Variants in EXOC4 observed in about 807,000 individuals in gnomAD.
The protein encoded by EXOC4 is exocyst complex component 4.
A neutral mutation model predicts 107.2 loss-of-function variants in EXOC4; 71 were observed. The observed-to-expected ratio is 0.66, with a 90% CI of 0.55 to 0.81. The LOEUF (loss-of-function observed/expected upper bound fraction) is 0.81, where lower values mean the gene tolerates loss of function less well. EXOC4 is among the 30% of genes least tolerant of loss of function. EXOC4 has a pLI of 0.00. For synonymous variants in EXOC4, 456 were observed against 441.2 expected (o/e 1.03, Z -0.42); for missense variants, 1,108 against 1,189.6 (o/e 0.93, Z 1.01).
chr7:133,335,711 G>A (rs147691263), intron 5 of EXOC4, among the ~76,000 whole-genome samples: 197 of 152,240 alleles, frequency 1.3e-3, no homozygotes, highest in African/African-American at 4.6e-3. Context: ...AATTGAAATT[G>A]CCAGATCATA....
At chr7:133,916,549 G>C (rs1405227745) in intron 12 of EXOC4, among the ~76,000 whole-genome samples, 5 of 152,216 alleles carry the variant, frequency 3.3e-5, no homozygotes. Context: ...AGTCATAGAT[G>C]TGAACCACTG....
At chr7:133,985,116 G>A (rs1794083966) in intron 14 of EXOC4, among the ~76,000 whole-genome samples, 1 of 152,092 alleles carries the variant, frequency 6.6e-6, no homozygotes. Context: ...TGTAGTTAGG[G>A]TAATATAAGA....
chr7:133,683,812 A>T, intron 10 of EXOC4, among the ~76,000 whole-genome samples: 1 of 152,194 alleles, frequency 6.6e-6, no homozygotes, highest in Admixed American at 6.5e-5. Flanking sequence ...GAAAAACAAG[A>T]TAATATTTAT....
chr7:133,961,476 C>T (rs186160101), intron 14 of EXOC4, among the ~76,000 whole-genome samples: 73 of 151,610 alleles, frequency 4.8e-4, no homozygotes, highest in Middle Eastern at 3.4e-3. Context: ...TTAGTAAAGA[C>T]GCGGTTTTGC....
the EXOC4 span, among the ~76,000 whole-genome samples, chr7:134,097,776 C>A: frequency 6.6e-6 from 1 of 152,174 alleles, no homozygotes; most frequent in Non-Finnish European, 1.5e-5. Flanking sequence ...TAGGGATAGA[C>A]ACTAAGGTGT....
Position 133,896,846 on chromosome 7 carries a change from G to GTTTTTTTTTTTTTTTT in EXOC4, c.1871+1112_1871+1113insTTTTTTTTTTTTTTTT, listed in dbSNP as rs1585231519. Among the ~76,000 whole-genome samples the GTTTTTTTTTTTTTTTT allele has an allele frequency of 1.2e-4, 5 of 43,218 alleles. No homozygotes were observed. In the African/African-American group the frequency reaches 1.4e-3, roughly 12 times the overall value. The allele number at this position is 43,218 out of a possible 152,430, so 28.4% of individuals were successfully genotyped here. On this transcript the variant is annotated intron_variant, in intron 12 of 17. Transcript: ENST00000253861. Reference sequence around the variant, plus strand: ...ATGTCTGGCTATTTTTGTATTTTTAGTAGAGATGGGGTTTCACCATGTTGG... The same window carrying GTTTTTTTTTTTTTTTT: ...ATGTCTGGCTATTTTTGTATTTTTAGTTTTTTTTTTTTTTTTTAGAGATGGGGTTTCACCATGTTGG...
At chr7:133,347,885 T>G (rs1330896478) in intron 5 of EXOC4, among the ~76,000 whole-genome samples, 3 of 152,168 alleles carry the variant, frequency 2.0e-5, no homozygotes, top group African/African-American at 7.2e-5. Context: ...TGAGAAATCT[T>G]TACTCATTAA....
intron 12 of EXOC4, among the ~76,000 whole-genome samples, chr7:133,914,703 C>A (rs1379697457): frequency 1.3e-5 from 2 of 152,138 alleles, no homozygotes; most frequent in Non-Finnish European, 2.9e-5. Context: ...CCAGAAGAGG[C>A]AAATGCAGAC....
chr7:133,700,158 A>G (rs1794625947), intron 10 of EXOC4, among the ~76,000 whole-genome samples: 1 of 152,184 alleles, frequency 6.6e-6, no homozygotes, highest in Admixed American at 6.5e-5. Flanking sequence ...ATTAAGTAAA[A>G]GTTAATAGTA....
chr7:133,503,738 G>A (rs1799617687), intron 9 of EXOC4, among the ~76,000 whole-genome samples: 1 of 152,114 alleles, frequency 6.6e-6, no homozygotes, highest in Admixed American at 6.6e-5. Context: ...GTTGGGAAAT[G>A]TTCCTGCATT....
intron 10 of EXOC4, among the ~76,000 whole-genome samples, chr7:133,815,137 G>T (rs1374367869): frequency 6.6e-6 from 1 of 151,968 alleles, no homozygotes; most frequent in Non-Finnish European, 1.5e-5. Flanking sequence ...AAAAACTTTT[G>T]GGAGGCCGAA....
At position 133,259,433 on chromosome 7, in the gene EXOC4, G is replaced by T. The variant is rs571314596; in HGVS notation, c.86+6246G>T. On this transcript the variant is annotated intron_variant, in intron 1 of 17. Transcript: ENST00000253861. ...GTAGAGACAGGGTTTCACCATGTTG[G>T]CCAGGCTGGTCTCAAACTCCTGACC... 3.5e-3 allele frequency among the ~76,000 whole-genome samples: 527 copies of T among 151,990 alleles called. 4 individuals carry two copies. The highest frequency in any genetic ancestry group is 0.012 in the African/African-American group (505 of 41,472).
Position 133,432,992 on chromosome 7 carries a change from T to G in EXOC4, c.1183-42336T>G, listed in dbSNP as rs547981537. Among the ~76,000 whole-genome samples, 419 of 152,356 alleles carry G rather than the reference T, an allele frequency of 2.8e-3. 1 individual carries two copies. The highest frequency in any genetic ancestry group is 3.5e-3 in the Non-Finnish European group (240 of 68,022). On this transcript the variant is annotated intron_variant, in intron 7 of 17. Coordinates refer to ENST00000253861, the MANE Select transcript of EXOC4 (RefSeq NM_021807.4). ...TCTGAGACATCAATGAAACTCCTAA[T>G]CATGTCCGTTTATACGATATAATAC...
At chr7:133,696,729 ACTTTCCT>A (rs1394651233) in intron 10 of EXOC4, among the ~76,000 whole-genome samples, 4 of 152,152 alleles carry the variant, frequency 2.6e-5, no homozygotes, top group African/African-American at 4.8e-5. Flanking sequence ...CATTAATCCC[ACTTTCCT>A]CTTTACTATG....
chr7:133,292,954 T>C (rs1395997574), intron 3 of EXOC4, among the ~76,000 whole-genome samples: 1 of 152,222 alleles, frequency 6.6e-6, no homozygotes, highest in Non-Finnish European at 1.5e-5. Context: ...TATTTATTTC[T>C]TAATGGCAAG....
intron 14 of EXOC4, among the ~76,000 whole-genome samples, chr7:133,952,746 T>C (rs1800722157): frequency 6.6e-6 from 1 of 152,202 alleles, no homozygotes; most frequent in African/African-American, 2.4e-5. Context: ...TCATGTAGTA[T>C]TTGTTGTTTT....
At chr7:133,515,120 A>G (rs139926274) in intron 9 of EXOC4, among the ~76,000 whole-genome samples, 6 of 152,164 alleles carry the variant, frequency 3.9e-5, no homozygotes, top group African/African-American at 1.4e-4. Context: ...CAGCTTTTTT[A>G]TATGTGGAAT....
rs58197853 is a variant in EXOC4 at position 133,720,942 on chromosome 7, A to G, written c.1514+90801A>G. Among the ~76,000 whole-genome samples, 235 of 152,260 alleles carry G rather than the reference A, an allele frequency of 1.5e-3. 1 individual carries two copies. Among genetic ancestry groups the G allele is most frequent in the African/African-American group, 5.4e-3 (223 of 41,554 alleles). On this transcript the variant is annotated intron_variant, in intron 10 of 17. Transcript: ENST00000253861. Reference sequence around the variant, plus strand: ...CTAGGTTATAATATAGGAGCCTTCGATTTTCCTACATTAAATGTGTAGCTT... The same window carrying G: ...CTAGGTTATAATATAGGAGCCTTCGGTTTTCCTACATTAAATGTGTAGCTT...
intron 7 of EXOC4, among the ~76,000 whole-genome samples, chr7:133,413,904 A>C (rs1797416717): frequency 6.6e-6 from 1 of 152,172 alleles, no homozygotes; most frequent in African/African-American, 2.4e-5. Flanking sequence ...TTAAAGGGAC[A>C]TACTTTCATG....
Sources: allele counts gnomAD v4.1 joint callset (sites outside exome capture counted in the v4.1 genomes callset), GRCh38; gene constraint gnomAD v4.1.1; transcripts MANE v1.5; gene names NCBI Gene and HGNC (gene_info 2026-07-23, HGNC 2026-07-21).